Variants in COL19A1 observed in about 807,000 individuals in gnomAD.
COL19A1 encodes collagen type XIX alpha 1 chain.
In COL19A1, 159 loss-of-function variants were observed where a neutral mutation model predicts 190.2. That is an observed-to-expected ratio of 0.84 (90% CI 0.73 to 0.95). The LOEUF (loss-of-function observed/expected upper bound fraction) is 0.95. Among genes scored for constraint, COL19A1 ranks in the 40% least tolerant of loss-of-function variants. COL19A1 has a pLI of 0.00. For synonymous variants in COL19A1, 509 were observed against 458.9 expected (o/e 1.11, Z -1.39); for missense variants, 1,418 against 1,431.9 (o/e 0.99, Z 0.16).
rs1353571700 is a variant in COL19A1, at chr6:70,211,199, T to C, written c.*3925T>C. 6.6e-6 allele frequency among the ~76,000 whole-genome samples: 1 copy of C among 152,158 alleles called. No individual in the cohort carries two copies. The highest frequency in any genetic ancestry group is 2.4e-5 in the African/African-American group (1 of 41,460). On this transcript the variant is annotated 3_prime_UTR_variant, in exon 51 of 51. Transcript: ENST00000620364. ...ATATTTTTCTAGAATACATCACTAT[T>C]TACAAAAGTACAATTAGAAACACTG...
At chr6:70,135,008 C>T (rs930365180) in intron 18 of COL19A1, among the ~76,000 whole-genome samples, 4 of 152,146 alleles carry the variant, frequency 2.6e-5, no homozygotes, top group Admixed American at 2.0e-4. Context: ...GGCTATAAAT[C>T]GGGGTCCTTA....
At chr6:70,184,447 C>T (rs1583113759) in intron 44 of COL19A1, among the ~76,000 whole-genome samples, 1 of 152,074 alleles carries the variant, frequency 6.6e-6, no homozygotes, top group Admixed American at 6.5e-5. Context: ...ATTTATTTTC[C>T]TCACTAGTGA....
At chr6:70,087,810 A>T (rs578128994) in intron 15 of COL19A1, among the ~76,000 whole-genome samples, 141 of 152,278 alleles carry the variant, frequency 9.3e-4, no homozygotes, top group African/African-American at 3.3e-3. Flanking sequence ...CCACAATTTG[A>T]AAAACATTTC....
intron 2 of COL19A1, among the ~76,000 whole-genome samples, chr6:69,881,399 G>A (rs1444167173): frequency 6.6e-6 from 1 of 151,842 alleles, no homozygotes; most frequent in Non-Finnish European, 1.5e-5. Context: ...TTAACATGAA[G>A]TCTGCCCTCT....
intron 47 of COL19A1, 62 bp downstream of exon 47, chr6:70,188,307 A>G (rs920940360): frequency 4.7e-6 from 7 of 1,494,520 alleles, no homozygotes; most frequent in Non-Finnish European, 2.7e-6. Flanking sequence ...CCCTTTTACA[A>G]TGAAAGCAAT....
chr6:70,024,636 TGG>T lies in COL19A1; in HGVS notation c.1080+957_1080+958del, dbSNP rs1316778513. On this transcript the variant is annotated intron_variant, in intron 12 of 50. Coordinates refer to ENST00000620364, the MANE Select transcript of COL19A1 (RefSeq NM_001858.6). Reference sequence around the variant, plus strand: ...GTGTGGGTGTGTGGGTGTGTGTGTGTGGAGTCTCCCAAAAAAGAAAGACCCTA... The same window carrying T: ...GTGTGGGTGTGTGGGTGTGTGTGTGTAGTCTCCCAAAAAAGAAAGACCCTA... Among the ~76,000 whole-genome samples, 355 of 151,314 alleles carry T rather than the reference TGG, an allele frequency of 2.3e-3. 3 individuals are homozygous for T. The highest frequency in any genetic ancestry group is 7.9e-3 in the African/African-American group (328 of 41,268).
rs151068519 is a variant in COL19A1 at position 69,986,420 on chromosome 6, A to G, written c.1026+23550A>G. Among the ~76,000 whole-genome samples the G allele has an allele frequency of 4.7e-3, 719 of 152,154 alleles. 4 individuals are homozygous for G. Among genetic ancestry groups the G allele is most frequent in the Non-Finnish European group, 5.5e-3 (377 of 67,974 alleles). ...CCAGTGTTTCTCATAACGTGATCTG[A>G]AAAACCACCTACATCACAATCTCGT... On this transcript the variant is annotated intron_variant, in intron 11 of 50. Coordinates refer to ENST00000620364, the MANE Select transcript of COL19A1 (RefSeq NM_001858.6).
At chr6:70,032,827 C>A in intron 12 of COL19A1, among the ~76,000 whole-genome samples, 1 of 152,146 alleles carries the variant, frequency 6.6e-6, no homozygotes, top group East Asian at 1.9e-4. Flanking sequence ...AGTGAAAGAA[C>A]AAATGAATTA....
intron 14 of COL19A1, among the ~76,000 whole-genome samples, chr6:70,036,941 C>A (rs930126150): frequency 1.3e-5 from 2 of 152,008 alleles, no homozygotes. Context: ...TAATGTCTTA[C>A]ACAAATAATT....
chr6:69,977,750 G>A lies in COL19A1; in HGVS notation c.1026+14880G>A, dbSNP rs568360895. 1.1e-4 allele frequency among the ~76,000 whole-genome samples: 16 copies of A among 151,996 alleles called. No homozygotes were observed. In the South Asian group the frequency reaches 3.3e-3, roughly 32 times the overall value. ...GATAATAGATGTGGCCTCTATCTAG[G>A]TTTATTTTGCTAGTTAAGTTCCTGA... On this transcript the variant is annotated intron_variant, in intron 11 of 50. Coordinates refer to ENST00000620364, the MANE Select transcript of COL19A1 (RefSeq NM_001858.6).
In COL19A1 at chr6:70,162,857, G is replaced by T. The variant is rs193077136; in HGVS notation, c.2347-486G>T. Among the ~76,000 whole-genome samples, 23 of 152,282 alleles carry T rather than the reference G, an allele frequency of 1.5e-4. No homozygotes were observed. The East Asian group carries it at 4.2e-3, about 28-fold the overall frequency. Reference sequence around the variant, plus strand: ...CTAAAATTAAAAACGATGAAAAAGAGTTGTGAAAGAAACCATGAAAATTAT... The same window carrying T: ...CTAAAATTAAAAACGATGAAAAAGATTTGTGAAAGAAACCATGAAAATTAT... On this transcript the variant is annotated intron_variant, in intron 35 of 50. Coordinates refer to ENST00000620364, the MANE Select transcript of COL19A1 (RefSeq NM_001858.6).
intron 1 of COL19A1, among the ~76,000 whole-genome samples, chr6:69,870,455 A>G (rs1767755823): frequency 6.6e-6 from 1 of 152,242 alleles, no homozygotes; most frequent in Non-Finnish European, 1.5e-5. Context: ...CTACACGTTG[A>G]AGGCAGACTA....
intron 11 of COL19A1, among the ~76,000 whole-genome samples, chr6:69,974,519 A>G (rs559342582): frequency 6.6e-6 from 1 of 152,232 alleles, no homozygotes; most frequent in African/African-American, 2.4e-5. Context: ...GATAGCACCC[A>G]GTAATCACAG....
intron 4 of COL19A1, among the ~76,000 whole-genome samples, chr6:69,901,920 C>T (rs903705154): frequency 6.6e-6 from 1 of 152,096 alleles, no homozygotes; most frequent in Admixed American, 6.6e-5. Flanking sequence ...AAACTTGCTG[C>T]GACATTTAGA....
chr6:69,995,565 C>A (rs768846081), intron 11 of COL19A1, among the ~76,000 whole-genome samples: 23 of 151,196 alleles, frequency 1.5e-4, no homozygotes, highest in African/African-American at 5.6e-4. Context: ...GGTAAGTTAG[C>A]AAATCAAAGC....
intron 11 of COL19A1, among the ~76,000 whole-genome samples, chr6:69,974,487 G>A (rs1157721360): frequency 6.6e-6 from 1 of 152,108 alleles, no homozygotes; most frequent in East Asian, 1.9e-4. Flanking sequence ...GTCTTGGTAA[G>A]AACTACAAGG....
chr6:69,932,628 A>G (rs1439941844), intron 6 of COL19A1, among the ~76,000 whole-genome samples, 155 bp from the exon 7 acceptor site: 2 of 152,106 alleles, frequency 1.3e-5, no homozygotes, highest in African/African-American at 4.8e-5. Flanking sequence ...CCACAAAACA[A>G]TGAATCCTAC....
At chr6:69,987,365 C>T (rs942482257) in intron 11 of COL19A1, among the ~76,000 whole-genome samples, 13 of 152,174 alleles carry the variant, frequency 8.5e-5, no homozygotes, top group African/African-American at 3.1e-4. Context: ...CAAGTGCAAA[C>T]ATTATCCTCT....
At chr6:69,992,863 A>G (rs543919965) in intron 11 of COL19A1, among the ~76,000 whole-genome samples, 45 of 150,850 alleles carry the variant, frequency 3.0e-4, no homozygotes, top group Non-Finnish European at 4.1e-4. Context: ...GGCAGAGATT[A>G]TGGGGTTTTC....
Sources: allele counts gnomAD v4.1 joint callset (sites outside exome capture counted in the v4.1 genomes callset), GRCh38; gene constraint gnomAD v4.1.1; transcripts MANE v1.5; gene names NCBI Gene and HGNC (gene_info 2026-07-23, HGNC 2026-07-21).